The following TAF10 variants were observed in gnomAD, a reference collection of about 807,000 sequenced individuals.
TAF10 encodes transcription initiation factor TFIID subunit 10.
TAF10 carries 2 observed loss-of-function variants against 18.1 expected under a neutral mutation model. The ratio of observed to expected loss-of-function variants is 0.11; its 90% CI spans 0.05 to 0.35. The LOEUF (loss-of-function observed/expected upper bound fraction) is 0.35, where lower values mean the gene tolerates loss of function less well. TAF10 is among the 10% of genes least tolerant of loss of function. TAF10 has a pLI of 1.00. For synonymous variants in TAF10, 158 were observed against 134.6 expected (o/e 1.17, Z -1.20); for missense variants, 293 against 306.9 (o/e 0.95, Z 0.34).
In TAF10 at chr11:6,610,439, T is replaced by A. The variant is rs201912577; in HGVS notation, c.*483A>T. The A allele has an allele frequency of 6.8e-6, 11 of 1,614,172 alleles. No individual in the cohort carries two copies. The highest frequency in any genetic ancestry group is 9.3e-6 in the Non-Finnish European group (11 of 1,180,010). On this transcript the variant is annotated 3_prime_UTR_variant, in exon 5 of 5. Transcript: ENST00000299424. Reference sequence around the variant, plus strand: ...ACATGACAGACTCAAATTGTGAGGCTGCTTTTTTTCTTGTATTCGCAGGTG... The same window carrying A: ...ACATGACAGACTCAAATTGTGAGGCAGCTTTTTTTCTTGTATTCGCAGGTG...
At position 6,611,350 on chromosome 11, in the gene TAF10, A is replaced by G. The variant is rs760162645; in HGVS notation, c.452+38T>C. 14 of 1,614,014 alleles carry G rather than the reference A, an allele frequency of 8.7e-6. No individual in the cohort carries two copies. In the East Asian group the frequency reaches 2.0e-4, roughly 23 times the overall value. The stretch of plus-strand genomic sequence containing the variant: ...GAGAAGGAGATGGACAACATACTGC[A>G]CAAGCACCCAAAACTAACCTGCCCT... On this transcript the variant is annotated intron_variant, in intron 3 of 4. Transcript: ENST00000299424.
At position 6,611,467 on chromosome 11, in the gene TAF10, A is replaced by C. The variant is rs781387016; in HGVS notation, c.388-15T>G. On this transcript the variant is annotated splice_polypyrimidine_tract_variant and intron_variant, in intron 2 of 4. Transcript: ENST00000299424. ...GCATCTGGGATCTGAGAAATCAATTAAGAGAACTGTCAGCAGAGCGGGAGG... is the reference window on the plus strand; with the variant it reads ...GCATCTGGGATCTGAGAAATCAATTCAGAGAACTGTCAGCAGAGCGGGAGG... The C allele has an allele frequency of 6.2e-7, 1 of 1,614,082 alleles. No individual in the cohort carries two copies. The highest frequency in any genetic ancestry group is 1.7e-5 in the Admixed American group (1 of 60,016).
chr11:6,611,929 C>A, intron 1 of TAF10, 29 bp downstream of exon 1: 1 of 1,576,366 alleles, frequency 6.3e-7, no homozygotes, highest in South Asian at 1.1e-5. Context: ...CAAGACGCTT[C>A]CCTCGCCCTC....
Position 6,609,357 on chromosome 11 carries a change from A to T in TAF10, c.*1565T>A. The T allele has an allele frequency of 1.2e-6, 2 of 1,614,100 alleles. No individual in the cohort carries two copies. Among genetic ancestry groups the T allele is most frequent in the Non-Finnish European group, 1.7e-6 (2 of 1,180,020 alleles). On this transcript the variant is annotated 3_prime_UTR_variant, in exon 5 of 5. Transcript: ENST00000299424. ...GTCGTGAAGGTGCTGAAGGTTCGAG[A>T]CTGGAGTACAAGGAAGAGCAGGGAC...
Position 6,611,800 on chromosome 11 carries a change from C to G in TAF10, c.251G>C (p.Gly84Ala). The change falls in exon 2 of 5, where the codon GGC becomes GCC. Residue 84 changes from glycine (G) to alanine (A), a missense_variant. Coordinates refer to ENST00000299424, the MANE Select transcript of TAF10 (RefSeq NM_006284.4). ...TATGGCCCCCTCCGGGGGCGCCGCG[C>G]CACCCGCCGACACCGGAGCTGGAGG... ...RRGAAPVSAGGAAPPEGAISN... is the reference protein window; with the variant it reads ...RRGAAPVSAGAAAPPEGAISN... 1 of 1,602,456 alleles carries G rather than the reference C, an allele frequency of 6.2e-7. No homozygotes were observed. Among genetic ancestry groups the G allele is most frequent in the South Asian group, 1.1e-5 (1 of 90,198 alleles).
chr11:6,608,424 G>A lies in TAF10; in HGVS notation c.*2498C>T, dbSNP rs1297687558. On this transcript the variant is annotated 3_prime_UTR_variant, in exon 5 of 5. Coordinates refer to ENST00000299424, the MANE Select transcript of TAF10 (RefSeq NM_006284.4). This position sits in a 1 kb window ranked among gnomAD's most constrained non-coding sequence, Gnocchi z 4.9. The stretch of plus-strand genomic sequence containing the variant: ...GCAGTACAAGGCAGACATCAATGCA[G>A]TGAATGAACACGGGAATGTGCCCCT... 1 of 1,614,182 alleles carries A rather than the reference G, an allele frequency of 6.2e-7. No homozygotes were observed. Among genetic ancestry groups the A allele is most frequent in the Non-Finnish European group, 8.5e-7 (1 of 1,179,998 alleles).
rs762943416 is a variant in TAF10 at position 6,609,483 on chromosome 11, G to T, written c.*1439C>A. 445 of 1,614,048 alleles carry T rather than the reference G, an allele frequency of 2.8e-4. No homozygotes were observed. In the Admixed American group the frequency reaches 3.4e-3, roughly 12 times the overall value. ...AGCACTGAAAGAGATCTTTTGTACT[G>T]GGTCTCAACCACTCCCTCCCTCTTC... On this transcript the variant is annotated 3_prime_UTR_variant, in exon 5 of 5. Transcript: ENST00000299424.
Position 6,609,932 on chromosome 11 carries a change from T to C in TAF10, c.*990A>G. 3.1e-6 allele frequency: 5 copies of C among 1,614,150 alleles called. No homozygotes were observed. The highest frequency in any genetic ancestry group is 4.2e-6 in the Non-Finnish European group (5 of 1,180,008). On this transcript the variant is annotated 3_prime_UTR_variant, in exon 5 of 5. Transcript: ENST00000299424. ...CCTCCTTCTATCTGTTTTCTCTTCC[T>C]CAGATTGATGAGGACATGACTGCCC...
At position 6,611,762 on chromosome 11, in the gene TAF10, A is replaced by C; in HGVS notation, c.289T>G (p.Tyr97Asp). The change falls in exon 2 of 5, where the codon TAC (tyrosine) becomes GAC (aspartate). Residue 97 changes from tyrosine to aspartate, a missense_variant. Coordinates refer to ENST00000299424, the MANE Select transcript of TAF10 (RefSeq NM_006284.4). ...CCGTTGGCCGCGCTCGGCAGTACGT[A>C]AACCCCGTTAGATATGGCCCCCTCC... ...PPEGAISNGVYVLPSAANGDV... is the reference protein window; with the variant it reads ...PPEGAISNGVDVLPSAANGDV... The C allele has an allele frequency of 1.9e-6, 3 of 1,611,016 alleles. No homozygotes were observed. Among genetic ancestry groups the C allele is most frequent in the Non-Finnish European group, 2.5e-6 (3 of 1,178,526 alleles).
At position 6,609,713 on chromosome 11, in the gene TAF10, C is replaced by A; in HGVS notation, c.*1209G>T. On this transcript the variant is annotated 3_prime_UTR_variant, in exon 5 of 5. Coordinates refer to ENST00000299424, the MANE Select transcript of TAF10 (RefSeq NM_006284.4). ...GCCTCTCTGAACTATTTGACTTTTGCCTCCTCTCAGATTTCGTCGTGGACC... is the reference window on the plus strand; with the variant it reads ...GCCTCTCTGAACTATTTGACTTTTGACTCCTCTCAGATTTCGTCGTGGACC... The A allele has an allele frequency of 6.2e-7, 1 of 1,614,164 alleles. No individual in the cohort carries two copies. Among genetic ancestry groups the A allele is most frequent in the Non-Finnish European group, 8.5e-7 (1 of 1,180,020 alleles).
Position 6,609,420 on chromosome 11 carries a change from C to T in TAF10, c.*1502G>A, listed in dbSNP as rs755192549. ...TGTCCCCGGCTCAGGTAGTGCAAGG[C>T]GTAACCTGGAAGCTGCTAGTTCCAA... On this transcript the variant is annotated 3_prime_UTR_variant, in exon 5 of 5. Coordinates refer to ENST00000299424, the MANE Select transcript of TAF10 (RefSeq NM_006284.4). 9.3e-6 allele frequency: 15 copies of T among 1,613,532 alleles called. No homozygotes were observed. The highest frequency in any genetic ancestry group is 1.1e-5 in the Non-Finnish European group (13 of 1,179,612).
Position 6,608,722 on chromosome 11 carries a change from G to A in TAF10, c.*2200C>T. ...CTGGTGGCAAATGGGGCCCTTGTCAGCATCTGTAACAAGTATGGAGAGATG... is the reference window on the plus strand; with the variant it reads ...CTGGTGGCAAATGGGGCCCTTGTCAACATCTGTAACAAGTATGGAGAGATG... On this transcript the variant is annotated 3_prime_UTR_variant, in exon 5 of 5. Transcript: ENST00000299424. The surrounding 1 kb of genome is among the most constrained non-coding windows in gnomAD (Gnocchi z 4.9). 1 of 1,614,074 alleles carries A rather than the reference G, an allele frequency of 6.2e-7. No homozygotes were observed. The highest frequency in any genetic ancestry group is 8.5e-7 in the Non-Finnish European group (1 of 1,179,930).
chr11:6,611,066 C>T, intron 4 of TAF10, 55 bp from the exon 5 acceptor site: 1 of 1,603,502 alleles, frequency 6.2e-7, no homozygotes, highest in East Asian at 2.2e-5. Context: ...ACTTCAATCC[C>T]AGATGGGTGA....
chr11:6,612,012 C>T lies in TAF10; in HGVS notation c.178G>A (p.Gly60Ser), dbSNP rs754718567. 2.1e-5 allele frequency: 33 copies of T among 1,540,420 alleles called. No individual in the cohort carries two copies. Among genetic ancestry groups the T allele is most frequent in the Non-Finnish European group, 2.9e-5 (33 of 1,150,992 alleles). Residue 60 changes from glycine (G) to serine (S), a missense_variant, in exon 1 of 5, where the codon GGC becomes AGC. Coordinates refer to ENST00000299424, the MANE Select transcript of TAF10 (RefSeq NM_006284.4). ...GCCCGCGCCGCCAAGGGTCCCGTGC[C>T]CCCAGCAGCTGCTCCAGCCCCAGGT... The part of the protein sequence containing the change: ...GGPGAGAAAG[G>S]TGPLAARAGE...
In TAF10 at chr11:6,608,362, G is replaced by C. The variant is rs764333255; in HGVS notation, c.*2560C>G. The C allele has an allele frequency of 4.4e-6, 7 of 1,603,148 alleles. No individual in the cohort carries two copies. Among genetic ancestry groups the C allele is most frequent in the Non-Finnish European group, 6.0e-6 (7 of 1,170,114 alleles). On this transcript the variant is annotated 3_prime_UTR_variant, in exon 5 of 5. Coordinates refer to ENST00000299424, the MANE Select transcript of TAF10 (RefSeq NM_006284.4). The surrounding 1 kb of genome is among the most constrained non-coding windows in gnomAD (Gnocchi z 4.9). ...TCATTTGGAACTGACTGTACTTTCT[G>C]CCTCTTCTTTTTGTCTGGCCATGGG...
Position 6,607,766 on chromosome 11 carries a change from C to G in TAF10, c.*3156G>C, listed in dbSNP as rs1855074677. ...TGTTGCAGAAGGGGTGCAAGAGAAA[C>G]CAGGGGAAGAGCACTACCACCTAAG... On this transcript the variant is annotated 3_prime_UTR_variant, in exon 5 of 5. Coordinates refer to ENST00000299424, the MANE Select transcript of TAF10 (RefSeq NM_006284.4). 2.1e-6 allele frequency: 1 copy of G among 471,444 alleles called. No individual in the cohort carries two copies. Among genetic ancestry groups the G allele is most frequent in the Non-Finnish European group, 3.9e-6 (1 of 256,858 alleles). The allele number at this position is 471,444 out of a possible 1,614,324, so 29.2% of individuals were successfully genotyped here. A position where few individuals can be genotyped will look rare whatever the true frequency, so the allele number is the denominator to read the frequency against.
chr11:6,609,835 G>A lies in TAF10; in HGVS notation c.*1087C>T, dbSNP rs199652324. 9.9e-6 allele frequency: 16 copies of A among 1,614,088 alleles called. No individual in the cohort carries two copies. Among genetic ancestry groups the A allele is most frequent in the African/African-American group, 2.7e-5 (2 of 74,928 alleles). On this transcript the variant is annotated 3_prime_UTR_variant, in exon 5 of 5. Coordinates refer to ENST00000299424, the MANE Select transcript of TAF10 (RefSeq NM_006284.4). Reference sequence around the variant, plus strand: ...ATCCCACGACATGCACTCAATAGCCGTAGTGTAATGGTGAGGCCACAAGCT... The same window carrying A: ...ATCCCACGACATGCACTCAATAGCCATAGTGTAATGGTGAGGCCACAAGCT...
In TAF10 at chr11:6,611,954, T is replaced by C; in HGVS notation, c.232+4A>G. On this transcript the variant is annotated splice_donor_region_variant and intron_variant, in intron 1 of 4. Coordinates refer to ENST00000299424, the MANE Select transcript of TAF10 (RefSeq NM_006284.4). Reference sequence around the variant, plus strand: ...CCCTCGCCCTCACCCGTCCCGGCCCTCACCCGCCCCACGCCGCTCAGCTGG... The same window carrying C: ...CCCTCGCCCTCACCCGTCCCGGCCCCCACCCGCCCCACGCCGCTCAGCTGG... 1.3e-6 allele frequency: 2 copies of C among 1,573,320 alleles called. No homozygotes were observed. Among genetic ancestry groups the C allele is most frequent in the South Asian group, 1.1e-5 (1 of 87,704 alleles).
chr11:6,608,988 G>C lies in TAF10; in HGVS notation c.*1934C>G. 6.2e-7 allele frequency: 1 copy of C among 1,613,960 alleles called. No individual in the cohort carries two copies. Among genetic ancestry groups the C allele is most frequent in the Non-Finnish European group, 8.5e-7 (1 of 1,179,812 alleles). ...GCCCCGTGAGTCACCACTGTGGGAA[G>C]AAGGGTTGTAAAAGGAAATAATCCT... On this transcript the variant is annotated 3_prime_UTR_variant, in exon 5 of 5. Transcript: ENST00000299424. The surrounding 1 kb of genome is among the most constrained non-coding windows in gnomAD (Gnocchi z 4.9).
Sources: gnomAD v4.1 joint callset for allele counts on GRCh38, gnomAD v4.1.1 for gene constraint, Gnocchi (gnomAD v3.1) non-coding constraint, MANE v1.5 for transcripts, NCBI Gene and HGNC (gene_info 2026-07-23, HGNC 2026-07-21) for gene names.